The following RERE variants were observed in gnomAD, a reference collection of about 807,000 sequenced individuals.
RERE encodes arginine-glutamic acid dipeptide repeats protein.
In RERE, 40 loss-of-function variants were observed where a neutral mutation model predicts 146.1. The observed-to-expected ratio is 0.27, with a 90% CI of 0.21 to 0.36. The LOEUF is 0.36. Among genes scored for constraint, RERE ranks in the 10% least tolerant of loss-of-function variants. The probability of loss-of-function intolerance (pLI) is 1.00; values close to 1 mark genes in which losing one functional copy is unlikely to be tolerated. For missense variants in RERE, 1,933 were observed against 2,138.7 expected (o/e 0.90, Z 1.90); for synonymous variants, 1,003 against 866.0 (o/e 1.16, Z -2.78).
chr1:8,805,006 TG>T (rs138503482), intron 1 of RERE, among the ~76,000 whole-genome samples: 30,425 of 110,228 alleles, frequency 0.28, 6,269 homozygotes, highest in East Asian at 0.73. Context: ...GTTTTGTTTT[TG>T]GTTTTTTTTT....
At chr1:8,789,301 A>AATATATATATATATATATATAT (rs1553149622) in intron 1 of RERE, among the ~76,000 whole-genome samples, 1 of 24,812 alleles carries the variant, frequency 4.0e-5, no homozygotes, top group African/African-American at 2.3e-4. Context: ...AAAAAAAAAA[A>AATATATATATATATATATATAT]ATATATATAT....
Position 8,356,269 on chromosome 1 carries a change from G to A in RERE, c.4340-23C>T, listed in dbSNP as rs760848934. 2.0e-6 allele frequency: 3 copies of A among 1,509,040 alleles called. No individual in the cohort carries two copies. The highest frequency in any genetic ancestry group is 2.6e-6 in the Non-Finnish European group (3 of 1,140,684). 93.5% of individuals were successfully genotyped at this position (1,509,040 alleles called of 1,614,324 possible). ...AACCTAAGGAAAGGACAAAACGCCA[G>A]ATGGAGGCGGTGTGCAGCTCTTCAA... On this transcript the variant is annotated intron_variant, in intron 20 of 22. Coordinates refer to ENST00000400908, the MANE Select transcript of RERE (RefSeq NM_001042681.2). The surrounding 1 kb of genome is among the most constrained non-coding windows in gnomAD (Gnocchi z 5.2).
intron 10 of RERE, among the ~76,000 whole-genome samples, chr1:8,489,003 A>G (rs1644940774): frequency 6.6e-6 from 1 of 152,224 alleles, no homozygotes; most frequent in African/African-American, 2.4e-5. Context: ...AAGGAAAATA[A>G]TGACTTATTA....
At chr1:8,601,671 C>CA (rs1468928033) in intron 4 of RERE, among the ~76,000 whole-genome samples, 3 of 132,868 alleles carry the variant, frequency 2.3e-5, no homozygotes, top group East Asian at 2.1e-4. Flanking sequence ...CACACACACA[C>CA]ATCTTCCTTC....
At chr1:8,642,550 A>G (rs1420468187) in intron 2 of RERE, among the ~76,000 whole-genome samples, 1 of 152,234 alleles carries the variant, frequency 6.6e-6, no homozygotes, top group Non-Finnish European at 1.5e-5. Context: ...TAGAAACCAA[A>G]TATTAAATTA....
chr1:8,791,264 T>C (rs1641358801), intron 1 of RERE, among the ~76,000 whole-genome samples: 1 of 152,226 alleles, frequency 6.6e-6, no homozygotes, highest in Non-Finnish European at 1.5e-5. Flanking sequence ...ATGCCCAAGA[T>C]AGTATATGCA....
At chr1:8,760,171 G>A (rs1269253213) in intron 1 of RERE, among the ~76,000 whole-genome samples, 1 of 152,118 alleles carries the variant, frequency 6.6e-6, no homozygotes, top group Non-Finnish European at 1.5e-5. Context: ...GATTACAGGT[G>A]CCCGCCACCG....
intron 11 of RERE, among the ~76,000 whole-genome samples, chr1:8,455,982 C>A (rs1202209223): frequency 1.1e-4 from 16 of 152,148 alleles, no homozygotes; most frequent in Admixed American, 1.0e-3. Context: ...TACTAGGGAA[C>A]ATTAAGCTTG....
intron 11 of RERE, among the ~76,000 whole-genome samples, chr1:8,453,192 A>G (rs1404609071): frequency 1.3e-5 from 2 of 152,244 alleles, no homozygotes; most frequent in Non-Finnish European, 2.9e-5. Flanking sequence ...GTGACTATGA[A>G]GCTGACAAAG....
At chr1:8,543,136 T>G (rs1382393032) in intron 6 of RERE, among the ~76,000 whole-genome samples, 1 of 152,190 alleles carries the variant, frequency 6.6e-6, no homozygotes, top group Admixed American at 6.5e-5. Context: ...TACCTACTAT[T>G]TGTAGATAGT....
intron 1 of RERE, among the ~76,000 whole-genome samples, chr1:8,789,301 A>AAAAAAAATATATATAT: frequency 4.0e-4 from 10 of 24,810 alleles, no homozygotes; most frequent in African/African-American, 2.3e-3. Flanking sequence ...AAAAAAAAAA[A>AAAAAAAATATATATAT]ATATATATAT....
At chr1:8,659,797 T>C (rs1032097315) in intron 1 of RERE, among the ~76,000 whole-genome samples, 1 of 152,186 alleles carries the variant, frequency 6.6e-6, no homozygotes, top group African/African-American at 2.4e-5. Flanking sequence ...AAACATTTTT[T>C]CAGCACTCAA....
rs1213430876 is a variant in RERE at position 8,356,369 on chromosome 1, T to G, written c.4340-123A>C. On this transcript the variant is annotated intron_variant, in intron 20 of 22. Coordinates refer to ENST00000400908, the MANE Select transcript of RERE (RefSeq NM_001042681.2). This position sits in a 1 kb window ranked among gnomAD's most constrained non-coding sequence, Gnocchi z 5.2. The stretch of plus-strand genomic sequence containing the variant: ...ATGGCTCCTGGTCACCAGGGCTGGA[T>G]GCACCACCTGGCTACAGGTGGCCCT... The G allele has an allele frequency of 9.6e-6, 11 of 1,147,932 alleles. No homozygotes were observed. The highest frequency in any genetic ancestry group is 4.9e-5 in the African/African-American group (3 of 60,940). The allele number at this position is 1,147,932 out of a possible 1,614,324, so 71.1% of individuals were successfully genotyped here. A position where few individuals can be genotyped will look rare whatever the true frequency, so the allele number is the denominator to read the frequency against.
chr1:8,592,088 C>T (rs1045431069), intron 4 of RERE, among the ~76,000 whole-genome samples: 9 of 152,246 alleles, frequency 5.9e-5, no homozygotes, highest in Middle Eastern at 3.4e-3. Flanking sequence ...ACAGTACTTC[C>T]CTCCTCAATG....
Position 8,777,172 on chromosome 1 carries a change from T to A in RERE, c.-145+39988A>T, listed in dbSNP as rs563251480. Among the ~76,000 whole-genome samples the A allele has an allele frequency of 2.0e-5, 3 of 152,350 alleles. No individual in the cohort carries two copies. The South Asian group carries it at 6.2e-4, about 32-fold the overall frequency. The stretch of plus-strand genomic sequence containing the variant: ...ACACGAAAGAAAGTTATCAATATTT[T>A]ATCTGCTAACATTTACACGGCAACC... On this transcript the variant is annotated intron_variant, in intron 1 of 22. Coordinates refer to ENST00000400908, the MANE Select transcript of RERE (RefSeq NM_001042681.2).
chr1:8,494,469 G>A (rs1645019305), intron 10 of RERE, among the ~76,000 whole-genome samples: 1 of 152,188 alleles, frequency 6.6e-6, no homozygotes, highest in Non-Finnish European at 1.5e-5. Flanking sequence ...GCTCACGCCT[G>A]TAATCCCAAC....
intron 7 of RERE, chr1:8,525,686 A>G (rs1043896171): frequency 6.2e-6 from 9 of 1,449,378 alleles, no homozygotes; most frequent in Non-Finnish European, 8.3e-6. Context: ...AATGATTCAT[A>G]AACACCTTCA....
intron 9 of RERE, 149 bp from the exon 10 acceptor site, chr1:8,495,311 TA>T (rs1645031342): frequency 2.2e-5 from 11 of 495,778 alleles, no homozygotes; most frequent in Middle Eastern, 5.8e-4. Context: ...CCTCTGCTCC[TA>T]TTTTTTTTTT....
At chr1:8,628,169 T>C (rs1207373017) in intron 2 of RERE, among the ~76,000 whole-genome samples, 2 of 152,110 alleles carry the variant, frequency 1.3e-5, no homozygotes, top group Admixed American at 6.5e-5. Flanking sequence ...ATCTGTAAAA[T>C]GGGTGAGTGC....
Sources: gnomAD v4.1 joint callset for allele counts (sites outside exome capture counted in the v4.1 genomes callset) on GRCh38, gnomAD v4.1.1 for gene constraint, Gnocchi (gnomAD v3.1) non-coding constraint, MANE v1.5 for transcripts, NCBI Gene and HGNC (gene_info 2026-07-23, HGNC 2026-07-21) for gene names.